LYN: variants seen among roughly 807,000 people sequenced by gnomAD.
LYN encodes the protein LYN proto-oncogene, Src family tyrosine kinase, also known as tyrosine-protein kinase Lyn.
A neutral mutation model predicts 65.0 loss-of-function variants in LYN; 12 were observed. That is an observed-to-expected ratio of 0.18 (90% confidence interval 0.12 to 0.30). The LOEUF (loss-of-function observed/expected upper bound fraction) is 0.30. Among genes scored for constraint, LYN ranks in the 10% least tolerant of loss-of-function variants. The pLI is 1.00. For synonymous variants in LYN, 222 were observed against 221.2 expected (o/e 1.00, Z -0.03); for missense variants, 380 against 623.2 (o/e 0.61, Z 4.16).
chr8:55,994,332 G>T (rs1808318198), intron 10 of LYN, among the ~76,000 whole-genome samples: 1 of 152,070 alleles, frequency 6.6e-6, no homozygotes, highest in African/African-American at 2.4e-5. Context: ...TTCTAATCCT[G>T]TCTTGGTGAA....
intron 1 of LYN, among the ~76,000 whole-genome samples, chr8:55,923,963 A>G (rs1345343868): frequency 1.3e-5 from 2 of 152,150 alleles, no homozygotes; most frequent in East Asian, 3.9e-4. Context: ...GTTATTCTCA[A>G]ATGGGATGTG....
chr8:55,951,844 T>A, intron 6 of LYN, 122 bp from the exon 7 acceptor site: 1 of 754,920 alleles, frequency 1.3e-6, no homozygotes, highest in Non-Finnish European at 2.1e-6. Flanking sequence ...ATGCATTTTA[T>A]ACAAATTTCA....
chr8:56,010,225 A>T lies in LYN; in HGVS notation c.*115A>T. The stretch of plus-strand genomic sequence containing the variant: ...TGCGGGGATCATCTGCCGTGCCTGG[A>T]TCCTGAAATAGAGGCTAAATTACTC... On this transcript the variant is annotated 3_prime_UTR_variant, in exon 13 of 13. Coordinates refer to ENST00000519728, the MANE Select transcript of LYN (RefSeq NM_002350.4). 1 of 1,044,670 alleles carries T rather than the reference A, an allele frequency of 9.6e-7. No homozygotes were observed. The highest frequency in any genetic ancestry group is 1.4e-6 in the Non-Finnish European group (1 of 702,046). 64.7% of individuals were successfully genotyped at this position (1,044,670 alleles called of 1,614,324 possible). A position where few individuals can be genotyped will look rare whatever the true frequency, so the allele number is the denominator to read the frequency against.
chr8:55,905,468 G>A (rs1442279337), intron 1 of LYN, among the ~76,000 whole-genome samples: 2 of 152,124 alleles, frequency 1.3e-5, no homozygotes, highest in African/African-American at 2.4e-5. Context: ...GGTGGTCAGT[G>A]AATTAAGGTG....
At chr8:55,905,415 A>AAAG (rs1388569854) in intron 1 of LYN, among the ~76,000 whole-genome samples, 167 of 4,256 alleles carry the variant, frequency 0.039, no homozygotes, top group African/African-American at 0.068. Context: ...GTCTCAAAAA[A>AAAG]AAAGAAAGAA....
chr8:55,896,222 A>G (rs1805093588), intron 1 of LYN, among the ~76,000 whole-genome samples: 1 of 151,974 alleles, frequency 6.6e-6, no homozygotes, highest in African/African-American at 2.4e-5. Flanking sequence ...GTGAGCTATG[A>G]TTATGCCACT....
intron 1 of LYN, among the ~76,000 whole-genome samples, chr8:55,906,890 T>G (rs150819882): frequency 2.6e-5 from 4 of 152,266 alleles, no homozygotes; most frequent in African/African-American, 9.6e-5. Context: ...TTGAGAATGA[T>G]TTTTCCTCTT....
At chr8:55,963,780 T>C (rs1807358397) in intron 8 of LYN, among the ~76,000 whole-genome samples, 2 of 152,242 alleles carry the variant, frequency 1.3e-5, no homozygotes, top group Non-Finnish European at 2.9e-5. Context: ...AAGAATTCTT[T>C]CTATATCCTG....
At chr8:56,004,354 T>G (rs1417370863) in intron 12 of LYN, among the ~76,000 whole-genome samples, 1 of 146,272 alleles carries the variant, frequency 6.8e-6, no homozygotes, top group Non-Finnish European at 1.5e-5. Context: ...AGTGCAGTGG[T>G]GTGATATCGG....
At position 55,947,635 on chromosome 8, in the gene LYN, G is replaced by A; in HGVS notation, c.196G>A (p.Asp66Asn). Residue 66 changes from aspartate (D) to asparagine (N), a missense_variant, in exon 4 of 13, where the codon GAC (aspartate) becomes AAC (asparagine). Asp to Asn is a conservative substitution (Grantham distance 23). Coordinates refer to ENST00000519728, the MANE Select transcript of LYN (RefSeq NM_002350.4). ...FQTKDPEEQG[D>N]IVVALYPYDG... is the part of the protein sequence containing the mutation. Reference sequence around the variant, plus strand: ...ATCTTTAGATCCAGAGGAACAAGGAGACATTGTGGTAGCCTTGTACCCCTA... The same window carrying A: ...ATCTTTAGATCCAGAGGAACAAGGAAACATTGTGGTAGCCTTGTACCCCTA... 1 of 1,612,410 alleles carries A rather than the reference G, an allele frequency of 6.2e-7. No homozygotes were observed.
intron 1 of LYN, among the ~76,000 whole-genome samples, chr8:55,903,905 A>G (rs571991582): frequency 2.0e-5 from 3 of 152,236 alleles, no homozygotes; most frequent in African/African-American, 7.2e-5. Context: ...AGTCCCAGCT[A>G]GCTACTTGGG....
At chr8:55,933,874 G>A (rs536355550) in intron 1 of LYN, among the ~76,000 whole-genome samples, 1 of 141,512 alleles carries the variant, frequency 7.1e-6, no homozygotes. Flanking sequence ...TCACATTGTG[G>A]ATAACTAGAT....
intron 10 of LYN, among the ~76,000 whole-genome samples, chr8:55,975,546 C>T (rs1807729317): frequency 1.3e-5 from 2 of 152,218 alleles, no homozygotes; most frequent in South Asian, 2.1e-4. Flanking sequence ...AAGATTTTAG[C>T]ATTGCTCTAA....
chr8:55,981,201 C>T (rs1398290840), intron 10 of LYN, among the ~76,000 whole-genome samples: 1 of 152,188 alleles, frequency 6.6e-6, no homozygotes, highest in African/African-American at 2.4e-5. Flanking sequence ...TCAACAGGCA[C>T]CTTCCCTGAC....
At chr8:56,001,660 CCA>C (rs1808516112) in intron 12 of LYN, among the ~76,000 whole-genome samples, 1 of 152,126 alleles carries the variant, frequency 6.6e-6, no homozygotes, top group East Asian at 1.9e-4. Context: ...CTAATCAGCC[CCA>C]GTGTCTGATG....
chr8:55,965,834 T>C (rs188179700), intron 8 of LYN, among the ~76,000 whole-genome samples: 1 of 152,288 alleles, frequency 6.6e-6, no homozygotes, highest in African/African-American at 2.4e-5. Flanking sequence ...GAGAAAAATA[T>C]TAGTCCTCGG....
intron 10 of LYN, among the ~76,000 whole-genome samples, chr8:55,991,367 T>C (rs1295468109): frequency 2.0e-5 from 3 of 152,198 alleles, no homozygotes; most frequent in East Asian, 1.9e-4. Context: ...CCCTGACTTA[T>C]GGAAGGCATC....
chr8:55,979,100 G>C (rs1483042659), intron 10 of LYN, among the ~76,000 whole-genome samples: 1 of 142,044 alleles, frequency 7.0e-6, no homozygotes, highest in African/African-American at 2.7e-5. Flanking sequence ...TGTCACCCAC[G>C]GTGGAGTGCA....
In LYN at chr8:55,988,809, T is replaced by G. The variant is rs750849759; in HGVS notation, c.1051-9537T>G. ...TGCTTGAGAGATCACATTCAGCCCC[T>G]CAGTGAGGTTCCTTTGATCCCTTTT... is the stretch of plus-strand genomic sequence containing the variant. On this transcript the variant is annotated intron_variant, in intron 10 of 12. Transcript: ENST00000519728. Among the ~76,000 whole-genome samples, 15 of 151,922 alleles carry G rather than the reference T, an allele frequency of 9.9e-5. 1 individual carries two copies. The highest frequency in any genetic ancestry group is 2.1e-4 in the Non-Finnish European group (14 of 67,978).
Sources: allele counts gnomAD v4.1 joint callset (sites outside exome capture counted in the v4.1 genomes callset), GRCh38; gene constraint gnomAD v4.1.1; transcripts MANE v1.5; gene names NCBI Gene and HGNC (gene_info 2026-07-23, HGNC 2026-07-21).